The following DHH variants were observed in gnomAD, a reference collection of about 807,000 sequenced individuals.
The protein encoded by DHH is desert hedgehog protein.
A neutral mutation model predicts 27.6 loss-of-function variants in DHH; 16 were observed. That is an observed-to-expected ratio of 0.58 (90% CI 0.39 to 0.88). The LOEUF (loss-of-function observed/expected upper bound fraction) is 0.88. Ranked by LOEUF, DHH falls within the 40% of genes least tolerant of loss-of-function variation. The probability of loss-of-function intolerance (pLI) is 0.00; values close to 1 mark genes in which losing one functional copy is unlikely to be tolerated. For missense variants in DHH, 436 were observed against 563.1 expected (o/e 0.77, Z 2.28); for synonymous variants, 289 against 263.4 (o/e 1.10, Z -0.94).
rs2120840471 is a variant in DHH, at chr12:49,094,526, C to G, written c.-14G>C. 5.2e-6 allele frequency: 8 copies of G among 1,551,100 alleles called. No homozygotes were observed. In the South Asian group the frequency reaches 9.5e-5, roughly 18 times the overall value. The stretch of plus-strand genomic sequence containing the variant: ...CAGGAGAGCCATGGATACAGCGGAC[C>G]TCGGCCAAAAGGGAGCGTTCTTGTC... On this transcript the variant is annotated 5_prime_UTR_variant, in exon 1 of 3. Coordinates refer to ENST00000649637, the MANE Select transcript of DHH (RefSeq NM_021044.4).
chr12:49,090,439 G>A lies in DHH; in HGVS notation c.611C>T (p.Ala204Val), dbSNP rs758330769. 6.2e-7 allele frequency: 1 copy of A among 1,608,238 alleles called. No individual in the cohort carries two copies. Among genetic ancestry groups the A allele is most frequent in the South Asian group, 1.1e-5 (1 of 90,784 alleles). The change falls in exon 3 of 3, where the codon GCA becomes GTA. Residue 204 changes from alanine to valine, a missense_variant. Ala to Val is a moderately conservative substitution (Grantham distance 64). Coordinates refer to ENST00000649637, the MANE Select transcript of DHH (RefSeq NM_021044.4). This position sits in a 1 kb window ranked among gnomAD's most constrained non-coding sequence, Gnocchi z 5.2. ...CTCGCCGCTCCACAGGCGCACAGTT[G>A]CATTTCCCGGAAAGCAGCCGCCCGC... ...VRAGGCFPGNATVRLWSGERK... is the reference protein window; with the variant it reads ...VRAGGCFPGNVTVRLWSGERK...
At position 49,090,035 on chromosome 12, in the gene DHH, C is replaced by T. The variant is rs1408933646; in HGVS notation, c.1015G>A (p.Val339Ile). ...TAHGTLLVND[V>I]LASCYAVLES... ...AGAACCGCGTAGCAAGAGGCCAGGA[C>T]ATCGTTCACCAGCAGCGTCCCGTGC... is the stretch of plus-strand genomic sequence containing the variant. Residue 339 changes from valine to isoleucine, a missense_variant, in exon 3 of 3, where the codon GTC becomes ATC. Coordinates refer to ENST00000649637, the MANE Select transcript of DHH (RefSeq NM_021044.4). The surrounding 1 kb of genome is among the most constrained non-coding windows in gnomAD (Gnocchi z 5.2). 7.1e-6 allele frequency: 11 copies of T among 1,550,920 alleles called. No individual in the cohort carries two copies. Among genetic ancestry groups the T allele is most frequent in the African/African-American group, 1.4e-5 (1 of 72,974 alleles).
rs1346596115 is a variant in DHH at position 49,094,529 on chromosome 12, G to A, written c.-17C>T. 5.8e-6 allele frequency: 9 copies of A among 1,550,554 alleles called. No individual in the cohort carries two copies. The East Asian group carries it at 2.2e-4, about 38-fold the overall frequency. ...GAGAGCCATGGATACAGCGGACCTC[G>A]GCCAAAAGGGAGCGTTCTTGTCCTC... is the stretch of plus-strand genomic sequence containing the variant. On this transcript the variant is annotated 5_prime_UTR_variant, in exon 1 of 3. Transcript: ENST00000649637.
At position 49,091,127 on chromosome 12, in the gene DHH, C is replaced by T. The variant is rs1565573741; in HGVS notation, c.565+1G>A. ...ATTTTACCACCCTCCTCCTACTGTACCAGCTTTGACCGACACGTGGACGTG... is the reference window on the plus strand; with the variant it reads ...ATTTTACCACCCTCCTCCTACTGTATCAGCTTTGACCGACACGTGGACGTG... On this transcript the variant is annotated splice_donor_variant, in intron 2 of 2. Transcript: ENST00000649637. LOFTEE classifies it high-confidence loss of function. This position sits in a 1 kb window ranked among gnomAD's most constrained non-coding sequence, Gnocchi z 4.8. 6.2e-7 allele frequency: 1 copy of T among 1,614,252 alleles called. No homozygotes were observed. The highest frequency in any genetic ancestry group is 8.5e-7 in the Non-Finnish European group (1 of 1,180,050).
At position 49,089,848 on chromosome 12, in the gene DHH, G is replaced by T. The variant is rs188288381; in HGVS notation, c.*11C>A. On this transcript the variant is annotated 3_prime_UTR_variant, in exon 3 of 3. Coordinates refer to ENST00000649637, the MANE Select transcript of DHH (RefSeq NM_021044.4). ...TCCTCGGGCGCTTCGAGGTTTCTAT[G>T]CCTGGGACGCTCAGCCCAGTAGCTC... is the stretch of plus-strand genomic sequence containing the variant. 2 of 1,532,058 alleles carry T rather than the reference G, an allele frequency of 1.3e-6. No individual in the cohort carries two copies. The highest frequency in any genetic ancestry group is 2.8e-5 in the African/African-American group (2 of 71,160). The allele number at this position is 1,532,058 out of a possible 1,614,324, so 94.9% of individuals were successfully genotyped here. A position where few individuals can be genotyped will look rare whatever the true frequency, so the allele number is the denominator to read the frequency against.
Position 49,090,470 on chromosome 12 carries a change from C to A in DHH, c.580G>T (p.Val194Phe). The stretch of plus-strand genomic sequence containing the variant: ...CCCGGAAAGCAGCCGCCCGCCCGGA[C>A]CGCCAGTGAGTTATCTGCAGGGAAC... ...VSVKADNSLA[V>F]RAGGCFPGNA... is the part of the protein sequence containing the mutation. Residue 194 changes from valine (V) to phenylalanine (F), a missense_variant, in exon 3 of 3, where the codon GTC becomes TTC. By Grantham distance (50) the Val-to-Phe change is conservative. Coordinates refer to ENST00000649637, the MANE Select transcript of DHH (RefSeq NM_021044.4). This position sits in a 1 kb window ranked among gnomAD's most constrained non-coding sequence, Gnocchi z 5.2. The A allele has an allele frequency of 6.2e-7, 1 of 1,602,466 alleles. No homozygotes were observed. The highest frequency in any genetic ancestry group is 8.5e-7 in the Non-Finnish European group (1 of 1,179,814).
intron 1 of DHH, among the ~76,000 whole-genome samples, chr12:49,093,943 C>T (rs149043477): frequency 6.6e-6 from 1 of 152,224 alleles, no homozygotes; most frequent in Non-Finnish European, 1.5e-5. Context: ...CCGCCATCCT[C>T]CTTTCCCCGC....
chr12:49,089,679 G>A lies in DHH; in HGVS notation c.*180C>T. The stretch of plus-strand genomic sequence containing the variant: ...GCGCACCATCAGCCCTACCTACCTA[G>A]GACCCGGTATCACCTCCTCTCAGTA... On this transcript the variant is annotated 3_prime_UTR_variant, in exon 3 of 3. Transcript: ENST00000649637. The A allele has an allele frequency of 1.4e-6, 1 of 730,354 alleles. No individual in the cohort carries two copies. The highest frequency in any genetic ancestry group is 2.0e-6 in the Non-Finnish European group (1 of 488,010). The allele number at this position is 730,354 out of a possible 1,614,324, so 45.2% of individuals were successfully genotyped here. A position where few individuals can be genotyped will look rare whatever the true frequency, so the allele number is the denominator to read the frequency against.
Position 49,090,667 on chromosome 12 carries a change from CTATG to C in DHH, c.566-187_566-184del, listed in dbSNP as rs35343506. Among the ~76,000 whole-genome samples the C allele has an allele frequency of 0.058, 8,393 of 145,592 alleles. 324 individuals are homozygous for C. The highest frequency in any genetic ancestry group is 0.1 in the African/African-American group (4,022 of 39,510). On this transcript the variant is annotated intron_variant, in intron 2 of 2. Transcript: ENST00000649637. This position sits in a 1 kb window ranked among gnomAD's most constrained non-coding sequence, Gnocchi z 5.2. ...TTTCTTTTCCTTTTTCTTCTCTTTT[CTATG>C]TATGTATGTATGTATGTATGTATGT...
chr12:49,090,030 C>CAGG lies in DHH; in HGVS notation c.1017_1019dup (p.Leu340dup). ...TCTCCAGAACCGCGTAGCAAGAGGC[C>CAGG]AGGACATCGTTCACCAGCAGCGTCC... On this transcript the variant is annotated inframe_insertion, in exon 3 of 3. Coordinates refer to ENST00000649637, the MANE Select transcript of DHH (RefSeq NM_021044.4). The surrounding 1 kb of genome is among the most constrained non-coding windows in gnomAD (Gnocchi z 5.2). The CAGG allele has an allele frequency of 6.4e-7, 1 of 1,553,790 alleles. No homozygotes were observed. The highest frequency in any genetic ancestry group is 1.2e-5 in the South Asian group (1 of 84,338).
Position 49,089,752 on chromosome 12 carries a change from C to T in DHH, c.*107G>A. The T allele has an allele frequency of 7.2e-7, 1 of 1,383,902 alleles. No individual in the cohort carries two copies. Among genetic ancestry groups the T allele is most frequent in the African/African-American group, 1.5e-5 (1 of 67,694 alleles). 85.7% of individuals were successfully genotyped at this position (1,383,902 alleles called of 1,614,324 possible). A position where few individuals can be genotyped will look rare whatever the true frequency, so the allele number is the denominator to read the frequency against. ...ATAGCCCCATTTTCTCCCTCCCCCT[C>T]CCTCTCCCTCCCTTCCAGTCGGCAT... On this transcript the variant is annotated 3_prime_UTR_variant, in exon 3 of 3. Transcript: ENST00000649637.
chr12:49,094,149 G>A, intron 1 of DHH, 61 bp downstream of exon 1: 3 of 1,590,730 alleles, frequency 1.9e-6, no homozygotes, highest in Non-Finnish European at 2.6e-6. Flanking sequence ...CACCTGGGCT[G>A]CCATAGGAAA....
At chr12:49,092,741 G>A (rs1939327882) in intron 1 of DHH, 1 of 152,336 alleles carries the variant, frequency 6.6e-6, no homozygotes, top group Admixed American at 6.5e-5. Context: ...TTGCAGCCAG[G>A]GTGTGGGAGA....
rs1300833302 is a variant in DHH, at chr12:49,094,716, A to G, written c.-204T>C. The G allele has an allele frequency of 4.6e-6, 3 of 653,492 alleles. No homozygotes were observed. Among genetic ancestry groups the G allele is most frequent in the African/African-American group, 1.8e-5 (1 of 55,370 alleles). 40.5% of individuals were successfully genotyped at this position (653,492 alleles called of 1,614,324 possible). Reference sequence around the variant, plus strand: ...GGGCGGGGGGTGTCTAGGACCTGCTACTGACAAACCATCATAGCAGGGAAG... The same window carrying G: ...GGGCGGGGGGTGTCTAGGACCTGCTGCTGACAAACCATCATAGCAGGGAAG... On this transcript the variant is annotated 5_prime_UTR_variant, in exon 1 of 3. It removes the in-frame stop codon of an upstream open reading frame in the 5' UTR. Transcript: ENST00000649637.
At chr12:49,094,065 T>A in intron 1 of DHH, 145 bp downstream of exon 1, 4 of 927,696 alleles carry the variant, frequency 4.3e-6, no homozygotes, top group South Asian at 3.1e-5. Flanking sequence ...CTGCAAGGAT[T>A]TTTCCCCCCC....
rs919791108 is a variant in DHH, at chr12:49,093,888, T to C, written c.303+322A>G. Reference sequence around the variant, plus strand: ...CCCCAGCCCTTCCTGCCTGGCTGGGTGGCTGACCCCCGGTCCACGCCTCAG... The same window carrying C: ...CCCCAGCCCTTCCTGCCTGGCTGGGCGGCTGACCCCCGGTCCACGCCTCAG... On this transcript the variant is annotated intron_variant, in intron 1 of 2. Transcript: ENST00000649637. Among the ~76,000 whole-genome samples, 4 of 152,148 alleles carry C rather than the reference T, an allele frequency of 2.6e-5. No individual in the cohort carries two copies. In the South Asian group the frequency reaches 8.3e-4, roughly 32 times the overall value.
chr12:49,094,342 C>T lies in DHH; in HGVS notation c.171G>A (p.Leu57=). The T allele has an allele frequency of 6.2e-7, 1 of 1,613,140 alleles. No homozygotes were observed. Among genetic ancestry groups the T allele is most frequent in the Non-Finnish European group, 8.5e-7 (1 of 1,179,908 alleles). ...QFVPGVPERT[L]GASGPAEGRV... ...TCCCCTCCGCTGGCCCACTGGCGCC[C>T]AGGGTCCGCTCTGGCACGCCGGGCA... Residue 57 remains leucine, a synonymous_variant, in exon 1 of 3, where the codon CTG becomes CTA. Transcript: ENST00000649637.
Position 49,094,617 on chromosome 12 carries a change from C to A in DHH, c.-105G>T, listed in dbSNP as rs1266537015. 1.5e-6 allele frequency: 2 copies of A among 1,303,314 alleles called. No homozygotes were observed. The highest frequency in any genetic ancestry group is 2.9e-5 in the African/African-American group (2 of 68,088). The allele number at this position is 1,303,314 out of a possible 1,614,324, so 80.7% of individuals were successfully genotyped here. A position where few individuals can be genotyped will look rare whatever the true frequency, so the allele number is the denominator to read the frequency against. On this transcript the variant is annotated 5_prime_UTR_variant, in exon 1 of 3. Transcript: ENST00000649637. ...CAGAGAGGGCAGCAGGCACAGCTGC[C>A]CCCAGAGTGCCCTAGAGCTCTTGTG...
Position 49,091,057 on chromosome 12 carries a change from T to C in DHH, c.565+71A>G. On this transcript the variant is annotated intron_variant, in intron 2 of 2. Transcript: ENST00000649637. This position sits in a 1 kb window ranked among gnomAD's most constrained non-coding sequence, Gnocchi z 4.8. Reference sequence around the variant, plus strand: ...TTGGTCTCCCCTAGGGTGGCAACAGTACTACTGCAGACTCAGTTTCCCGGA... The same window carrying C: ...TTGGTCTCCCCTAGGGTGGCAACAGCACTACTGCAGACTCAGTTTCCCGGA... The C allele has an allele frequency of 3.1e-6, 5 of 1,611,744 alleles. No homozygotes were observed. Among genetic ancestry groups the C allele is most frequent in the Non-Finnish European group, 4.2e-6 (5 of 1,178,030 alleles).
Sources: gnomAD v4.1 joint callset for allele counts (sites outside exome capture counted in the v4.1 genomes callset) on GRCh38, gnomAD v4.1.1 for gene constraint, Gnocchi (gnomAD v3.1) non-coding constraint, MANE v1.5 for transcripts, NCBI Gene and HGNC (gene_info 2026-07-23, HGNC 2026-07-21) for gene names.